TLN2: variants seen among roughly 807,000 people sequenced by gnomAD.
The protein encoded by TLN2 is talin-2.
A neutral mutation model predicts 294.7 loss-of-function variants in TLN2; 118 were observed. The observed-to-expected ratio is 0.40, with a 90% CI of 0.34 to 0.47. The LOEUF is 0.47. Ranked by LOEUF, TLN2 falls within the 20% of genes least tolerant of loss-of-function variation. The pLI, the probability that TLN2 is intolerant of heterozygous loss-of-function variation, is 0.84. For synonymous variants in TLN2, 1,431 were observed against 1,304.5 expected, an observed-to-expected ratio of 1.10 and a Z score of -2.09; for missense variants, 3,083 against 3,282.2, an observed-to-expected ratio of 0.94 and a Z score of 1.48.
At chr15:62,513,129 C>T (rs577541344) in intron 1 of TLN2, among the ~76,000 whole-genome samples, 4 of 152,286 alleles carry the variant, frequency 2.6e-5, no homozygotes, top group African/African-American at 7.2e-5. Context: ...GCTGTCCTTC[C>T]TGCCTTAGGA....
intron 27 of TLN2, among the ~76,000 whole-genome samples, chr15:62,726,053 G>A (rs2140930420): frequency 6.6e-6 from 1 of 152,220 alleles, no homozygotes; most frequent in East Asian, 1.9e-4. Context: ...GACAGCGTTG[G>A]GATTGCCTCC....
At position 62,652,070 on chromosome 15, in the gene TLN2, G is replaced by A. The variant is rs1420601335; in HGVS notation, c.300G>A (p.Lys100=). ...QKIRMLDGSV[K]TVMVDDSKTV... ...TCCGGATGCTGGATGGATCTGTGAA[G>A]ACAGTGATGGTGGATGATTCCAAGA... Residue 100 remains lysine (K), a synonymous_variant, in exon 6 of 59, where the codon AAG becomes AAA. Coordinates refer to ENST00000636159, the MANE Select transcript of TLN2 (RefSeq NM_015059.3). 1 of 1,612,102 alleles carries A rather than the reference G, an allele frequency of 6.2e-7. No homozygotes were observed. The highest frequency in any genetic ancestry group is 1.7e-5 in the Admixed American group (1 of 59,982).
intron 22 of TLN2, among the ~76,000 whole-genome samples, chr15:62,713,917 C>CATATATATATATATATA (rs2059593637): frequency 3.3e-5 from 4 of 122,646 alleles, no homozygotes; most frequent in Non-Finnish European, 6.9e-5. Flanking sequence ...TATATATATG[C>CATATATATATATATATA]TGTGTGTGTG....
chr15:62,417,287 C>T (rs768414190), intron 1 of TLN2, among the ~76,000 whole-genome samples: 1 of 152,160 alleles, frequency 6.6e-6, no homozygotes, highest in Non-Finnish European at 1.5e-5. Flanking sequence ...CATCTTTGTC[C>T]CTTCTTTGCT....
chr15:62,690,475 T>A (rs1372424189), intron 12 of TLN2: 1 of 31,444 alleles, frequency 3.2e-5, no homozygotes, highest in African/African-American at 8.5e-5. Flanking sequence ...GAAGAGGCGC[T>A]CCTCACTTCT....
chr15:62,826,709 G>A (rs574191937), intron 54 of TLN2, among the ~76,000 whole-genome samples: 1 of 69,110 alleles, frequency 1.4e-5, no homozygotes, highest in East Asian at 3.5e-4. Flanking sequence ...AGCCAAACTT[G>A]CAACAACAAA....
At position 62,775,037 on chromosome 15, in the gene TLN2, A is replaced by T. The variant is rs1310758166; in HGVS notation, c.5368-1727A>T. Among the ~76,000 whole-genome samples, 4 of 148,630 alleles carry T rather than the reference A, an allele frequency of 2.7e-5. No homozygotes were observed. In the South Asian group the frequency reaches 8.6e-4, roughly 32 times the overall value. ...AGTGGGGCGATCTCAGCTCACTGCA[A>T]GCTCCACCTCCCGGGTTCACGCCAT... On this transcript the variant is annotated intron_variant, in intron 42 of 58. Coordinates refer to ENST00000636159, the MANE Select transcript of TLN2 (RefSeq NM_015059.3).
chr15:62,416,605 G>C (rs182936899), intron 1 of TLN2, among the ~76,000 whole-genome samples: 1 of 152,260 alleles, frequency 6.6e-6, no homozygotes, highest in Admixed American at 6.5e-5. Flanking sequence ...CTGAAGTTAG[G>C]CTCATTTCCT....
rs56258541 is a variant in TLN2 at position 62,673,310 on chromosome 15, C to CTTTTTTTTTTTTT, written c.789-511_789-499dup. On this transcript the variant is annotated intron_variant, in intron 9 of 58. Transcript: ENST00000636159. The stretch of plus-strand genomic sequence containing the variant: ...GTTTGCTTTAGATTTTTAGATGTTG[C>CTTTTTTTTTTTTT]TTTTTTTTTTTTTTTTTTGCAATTT... Among the ~76,000 whole-genome samples, 30 of 42,892 alleles carry CTTTTTTTTTTTTT rather than the reference C, an allele frequency of 7.0e-4. 6 individuals carry two copies. Among genetic ancestry groups the CTTTTTTTTTTTTT allele is most frequent in the African/African-American group, 1.3e-3 (17 of 13,434 alleles). 28.1% of individuals were successfully genotyped at this position (42,892 alleles called of 152,430 possible). A position where few individuals can be genotyped will look rare whatever the true frequency, so the allele number is the denominator to read the frequency against.
intron 1 of TLN2, among the ~76,000 whole-genome samples, chr15:62,448,869 C>G (rs1050424684): frequency 6.6e-6 from 1 of 152,138 alleles, no homozygotes; most frequent in African/African-American, 2.4e-5. Flanking sequence ...TACTATAGAG[C>G]GTGCTCTTCG....
rs112082447 is a variant in TLN2, at chr15:62,403,193, G to A, written c.-238+12508G>A. The stretch of plus-strand genomic sequence containing the variant: ...GCAGAGGTTGCAGTGAGCCGAGATC[G>A]TGTGACAAAGCGAGACTCCATCTCA... On this transcript the variant is annotated intron_variant, in intron 1 of 58. Coordinates refer to ENST00000636159, the MANE Select transcript of TLN2 (RefSeq NM_015059.3). Among the ~76,000 whole-genome samples, 8 of 151,226 alleles carry A rather than the reference G, an allele frequency of 5.3e-5. No homozygotes were observed. The South Asian group carries it at 1.0e-3, about 20-fold the overall frequency.
chr15:62,545,243 G>A (rs1477398480), intron 1 of TLN2, among the ~76,000 whole-genome samples: 2 of 152,066 alleles, frequency 1.3e-5, no homozygotes, highest in Non-Finnish European at 2.9e-5. Context: ...CGGCTGTTAT[G>A]CTTTTTCTTT....
intron 3 of TLN2, among the ~76,000 whole-genome samples, chr15:62,642,279 C>T (rs1055331795): frequency 2.6e-5 from 4 of 152,074 alleles, no homozygotes; most frequent in Non-Finnish European, 4.4e-5. Flanking sequence ...TTCGGGTAAA[C>T]GAAAAATGAA....
At chr15:62,565,142 G>C (rs1401986665) in intron 1 of TLN2, among the ~76,000 whole-genome samples, 1 of 152,014 alleles carries the variant, frequency 6.6e-6, no homozygotes, top group Non-Finnish European at 1.5e-5. Context: ...CATGCTGGGT[G>C]AAGTCCCAGC....
intron 1 of TLN2, among the ~76,000 whole-genome samples, chr15:62,565,239 A>G (rs1204769660): frequency 6.6e-6 from 1 of 152,200 alleles, no homozygotes; most frequent in Admixed American, 6.5e-5. Flanking sequence ...CATTTTGAGA[A>G]GTATTTACGA....
At chr15:62,767,024 T>A (rs142361588) in intron 41 of TLN2, among the ~76,000 whole-genome samples, 3 of 152,314 alleles carry the variant, frequency 2.0e-5, no homozygotes, top group Non-Finnish European at 4.4e-5. Flanking sequence ...GTTGGCTTGT[T>A]ATGCAGCCTG....
intron 12 of TLN2, among the ~76,000 whole-genome samples, chr15:62,688,768 A>G (rs942154061): frequency 1.3e-5 from 2 of 152,004 alleles, no homozygotes; most frequent in African/African-American, 4.8e-5. Context: ...TCTGTTAGTA[A>G]TTTTTGTTTT....
intron 37 of TLN2, among the ~76,000 whole-genome samples, chr15:62,759,529 G>C (rs1015605628): frequency 6.6e-6 from 1 of 152,212 alleles, no homozygotes; most frequent in African/African-American, 2.4e-5. Flanking sequence ...TTTCCCTTGA[G>C]TTGTCATCTT....
chr15:62,561,035 A>T (rs1422154677), intron 1 of TLN2, among the ~76,000 whole-genome samples: 1 of 152,256 alleles, frequency 6.6e-6, no homozygotes, highest in Non-Finnish European at 1.5e-5. Flanking sequence ...AAGGAAAGGG[A>T]AAAGAAATCA....
Sources: allele counts gnomAD v4.1 joint callset (sites outside exome capture counted in the v4.1 genomes callset), GRCh38; gene constraint gnomAD v4.1.1; transcripts MANE v1.5; gene names NCBI Gene and HGNC (gene_info 2026-07-23, HGNC 2026-07-21).